The following SLC37A1 variants were observed in gnomAD, a reference collection of about 807,000 sequenced individuals.
The protein encoded by SLC37A1 is glucose-6-phosphate exchanger SLC37A1.
SLC37A1 carries 49 observed loss-of-function variants against 75.3 expected under a neutral mutation model. That is an observed-to-expected ratio of 0.65 (90% confidence interval 0.52 to 0.83). The LOEUF is 0.83. Among genes scored for constraint, SLC37A1 ranks in the 40% least tolerant of loss-of-function variants. The pLI is 0.00. For synonymous variants in SLC37A1, 268 were observed against 292.1 expected (o/e 0.92, Z 0.84); for missense variants, 566 against 695.0 (o/e 0.81, Z 2.09).
At position 42,539,541 on chromosome 21, in the gene SLC37A1, G is replaced by A. The variant is rs778483714; in HGVS notation, c.380G>A (p.Arg127Lys). ...SGIIGERLPI[R>K]YYLTFGMLAS... is the part of the protein sequence containing the mutation. ...ATCATTGGGGAGCGCCTGCCGATTA[G>A]GTATTACCTAACTTTCGGGATGCTC... The change falls in exon 6 of 20, where the codon AGG becomes AAG. Residue 127 changes from arginine to lysine, a missense_variant. Transcript: ENST00000352133. 19 of 1,613,756 alleles carry A rather than the reference G, an allele frequency of 1.2e-5. No individual in the cohort carries two copies. In the South Asian group the frequency reaches 2.0e-4, roughly 17 times the overall value.
At chr21:42,570,502 G>C (rs1283151840) in intron 17 of SLC37A1, among the ~76,000 whole-genome samples, 1 of 152,180 alleles carries the variant, frequency 6.6e-6, no homozygotes, top group African/African-American at 2.4e-5. Context: ...GGGCATCTCA[G>C]TAGGAAGTCG....
Position 42,548,825 on chromosome 21 carries a change from C to T in SLC37A1, c.768+1685C>T, listed in dbSNP as rs1408396660. ...GGGTGCGAGCCCCTCGGGCCTGGAT[C>T]ATCACTGGGTCCCGGCACCTGGGGC... On this transcript the variant is annotated intron_variant, in intron 9 of 19. Coordinates refer to ENST00000352133, the MANE Select transcript of SLC37A1 (RefSeq NM_001320537.2). The surrounding 1 kb of genome is among the most constrained non-coding windows in gnomAD (Gnocchi z 5.6). Among the ~76,000 whole-genome samples, 1 of 152,214 alleles carries T rather than the reference C, an allele frequency of 6.6e-6. No homozygotes were observed. Among genetic ancestry groups the T allele is most frequent in the Non-Finnish European group, 1.5e-5 (1 of 68,044 alleles).
At chr21:42,528,309 AG>A (rs986393242) in intron 3 of SLC37A1, among the ~76,000 whole-genome samples, 21 of 152,352 alleles carry the variant, frequency 1.4e-4, no homozygotes, top group African/African-American at 5.1e-4. Flanking sequence ...GCCTAGCCTC[AG>A]GACTCAAGGC....
chr21:42,544,266 TG>T (rs766237764), intron 8 of SLC37A1, among the ~76,000 whole-genome samples: 32 of 152,322 alleles, frequency 2.1e-4, no homozygotes, highest in Admixed American at 3.9e-4. Context: ...CTTAGTTCTT[TG>T]ACTGAGTTTA....
intron 1 of SLC37A1, among the ~76,000 whole-genome samples, chr21:42,517,276 G>A (rs375702966): frequency 6.6e-6 from 1 of 152,182 alleles, no homozygotes; most frequent in South Asian, 2.1e-4. Flanking sequence ...TAAGTGACTT[G>A]CCTCGGCTTA....
rs147443102 is a variant in SLC37A1 at position 42,542,477 on chromosome 21, G to A, written c.560G>A (p.Gly187Glu). 1 of 1,613,944 alleles carries A rather than the reference G, an allele frequency of 6.2e-7. No homozygotes were observed. Among genetic ancestry groups the A allele is most frequent in the African/African-American group, 1.3e-5 (1 of 74,942 alleles). The change falls in exon 7 of 20, where the codon GGA becomes GAA. Residue 187 changes from glycine (G) to glutamate (E), a missense_variant. Transcript: ENST00000352133. ...VTCLGNWFGK[G>E]RRGLIMGVWN... Reference sequence around the variant, plus strand: ...TGCCTCGGCAACTGGTTTGGAAAAGGAAGGTGAGAAAAAGCAGCCCTGTTT... The same window carrying A: ...TGCCTCGGCAACTGGTTTGGAAAAGAAAGGTGAGAAAAAGCAGCCCTGTTT...
chr21:42,542,623 T>A (rs2055312030), intron 7 of SLC37A1, 143 bp downstream of exon 7: 4 of 800,188 alleles, frequency 5.0e-6, no homozygotes, highest in Non-Finnish European at 5.9e-6. Context: ...CTTGAATTGC[T>A]GAAATTCAGA....
intron 2 of SLC37A1, 114 bp from the exon 3 acceptor site, chr21:42,525,662 G>A (rs982332559): frequency 2.4e-5 from 17 of 710,354 alleles, no homozygotes; most frequent in South Asian, 1.0e-4. Flanking sequence ...GATAATGGCT[G>A]TAGAACTGAA....
chr21:42,570,105 GT>G, intron 17 of SLC37A1, among the ~76,000 whole-genome samples: 1 of 100,274 alleles, frequency 1.0e-5, no homozygotes, highest in South Asian at 3.6e-4. Flanking sequence ...GTTCTGAGAA[GT>G]GGTGGGCAGG....
intron 10 of SLC37A1, among the ~76,000 whole-genome samples, chr21:42,556,172 G>A (rs1419642013): frequency 2.0e-5 from 3 of 152,230 alleles, no homozygotes; most frequent in Non-Finnish European, 4.4e-5. Context: ...ACTTGGCCAC[G>A]TGGCGAGCCC....
At chr21:42,568,996 G>A (rs553534957) in intron 17 of SLC37A1, among the ~76,000 whole-genome samples, 1 of 152,368 alleles carries the variant, frequency 6.6e-6, no homozygotes, top group Non-Finnish European at 1.5e-5. Flanking sequence ...TGTATGGGGA[G>A]CACGCACAGT....
chr21:42,513,862 G>A lies in SLC37A1; in HGVS notation c.-1034G>A, dbSNP rs1282472401. Reference sequence around the variant, plus strand: ...CGCGCGCCGCTCCAGGAAGTCGCGAGCAGGAAGCGCCCGCGGCGGCCGGGC... The same window carrying A: ...CGCGCGCCGCTCCAGGAAGTCGCGAACAGGAAGCGCCCGCGGCGGCCGGGC... On this transcript the variant is annotated 5_prime_UTR_variant, in exon 1 of 20. Transcript: ENST00000352133. The A allele has an allele frequency of 1.4e-5, 2 of 146,132 alleles. No homozygotes were observed. Among genetic ancestry groups the A allele is most frequent in the African/African-American group, 4.9e-5 (2 of 40,640 alleles). 9.1% of individuals were successfully genotyped at this position (146,132 alleles called of 1,614,324 possible).
intron 4 of SLC37A1, 78 bp downstream of exon 4, chr21:42,534,908 A>T (rs2055094864): frequency 6.6e-7 from 1 of 1,523,932 alleles, no homozygotes; most frequent in Non-Finnish European, 8.9e-7. Flanking sequence ...TAGCAGCAGT[A>T]ATGCTGTTCC....
intron 2 of SLC37A1, 95 bp downstream of exon 2, chr21:42,518,605 A>G: frequency 7.2e-7 from 1 of 1,394,644 alleles, no homozygotes; most frequent in Non-Finnish European, 1.0e-6. Flanking sequence ...ATTATAAAAC[A>G]CATAAAACTT....
chr21:42,512,868 G>T (rs1387029689), upstream of SLC37A1, among the ~76,000 whole-genome samples: 1 of 152,256 alleles, frequency 6.6e-6, no homozygotes, highest in Non-Finnish European at 1.5e-5. Flanking sequence ...GGGGGAAACT[G>T]CGAGGCCTAG....
intron 8 of SLC37A1, 143 bp from the exon 9 acceptor site, chr21:42,546,960 A>G (rs911223329): frequency 9.5e-6 from 9 of 948,474 alleles, no homozygotes; most frequent in Admixed American, 2.1e-5. Context: ...AGCAGCTCAA[A>G]TCCACTCATT....
chr21:42,504,805 G>A (rs2054369359), intron 2 of SLC37A1, among the ~76,000 whole-genome samples: 1 of 152,114 alleles, frequency 6.6e-6, no homozygotes, highest in African/African-American at 2.4e-5. Flanking sequence ...CTCAACAAGG[G>A]CAAAACTGAA....
intron 6 of SLC37A1, among the ~76,000 whole-genome samples, chr21:42,541,284 A>G (rs1314210847): frequency 3.3e-5 from 5 of 152,144 alleles, no homozygotes; most frequent in African/African-American, 1.2e-4. Context: ...CCGGTTCCTA[A>G]TAGGCCACGG....
chr21:42,567,352 T>A (rs1245627877), intron 16 of SLC37A1, among the ~76,000 whole-genome samples: 2 of 152,188 alleles, frequency 1.3e-5, no homozygotes, highest in African/African-American at 4.8e-5. Context: ...AGAGGTCCTG[T>A]CCTGGACGCC....
Sources: gnomAD v4.1 joint callset for allele counts (sites outside exome capture counted in the v4.1 genomes callset) on GRCh38, gnomAD v4.1.1 for gene constraint, Gnocchi (gnomAD v3.1) non-coding constraint, MANE v1.5 for transcripts, NCBI Gene and HGNC (gene_info 2026-07-23, HGNC 2026-07-21) for gene names.